Variants in HERC2 observed in about 807,000 individuals in gnomAD.
HERC2 encodes the protein E3 ubiquitin-protein ligase HERC2.
A neutral mutation model predicts 537.7 loss-of-function variants in HERC2; 102 were observed. That is an observed-to-expected ratio of 0.19 (90% CI 0.16 to 0.22). The LOEUF (loss-of-function observed/expected upper bound fraction) is 0.22. Ranked by LOEUF, HERC2 falls within the 10% of genes least tolerant of loss-of-function variation. The pLI, the probability that HERC2 is intolerant of heterozygous loss-of-function variation, is 1.00. For synonymous variants in HERC2, 2,224 were observed against 2,466.2 expected (o/e 0.90, Z 2.91); for missense variants, 4,236 against 6,198.2 (o/e 0.68, Z 10.63).
In HERC2 at chr15:28,177,219, A is replaced by T. The variant is rs749087466; in HGVS notation, c.9255-92T>A. The stretch of plus-strand genomic sequence containing the variant: ...CATCTATACTGATCCACATGTAGTC[A>T]ACACAGGATCCACAGATCAACTATC... On this transcript the variant is annotated intron_variant, in intron 60 of 92. Transcript: ENST00000261609. This position sits in a 1 kb window ranked among gnomAD's most constrained non-coding sequence, Gnocchi z 5.0. 111 of 1,336,208 alleles carry T rather than the reference A, an allele frequency of 8.3e-5. No individual in the cohort carries two copies. The highest frequency in any genetic ancestry group is 9.7e-5 in the Non-Finnish European group (94 of 965,228). The allele number at this position is 1,336,208 out of a possible 1,614,324, so 82.8% of individuals were successfully genotyped here.
In HERC2 at chr15:28,141,701, G is replaced by A. The variant is rs535784507; in HGVS notation, c.11816+30C>T. The stretch of plus-strand genomic sequence containing the variant: ...CACACAGCCTCTCACACTCACGATC[G>A]ACATTACTGCTTGTTTCTAATATAA... On this transcript the variant is annotated intron_variant, in intron 77 of 92. Transcript: ENST00000261609. 1.3e-5 allele frequency: 21 copies of A among 1,609,908 alleles called. No individual in the cohort carries two copies. The Admixed American group carries it at 1.8e-4, about 14-fold the overall frequency.
intron 78 of HERC2, among the ~76,000 whole-genome samples, chr15:28,135,987 C>T (rs1259873435): frequency 6.6e-6 from 1 of 151,976 alleles, no homozygotes; most frequent in African/African-American, 2.4e-5. Flanking sequence ...ACAATTAACA[C>T]CAAGAAAAAT....
intron 68 of HERC2, among the ~76,000 whole-genome samples, chr15:28,163,680 C>T (rs1194352717): frequency 6.6e-5 from 10 of 152,178 alleles, no homozygotes; most frequent in Non-Finnish European, 1.2e-4. Context: ...TTTGTATTCT[C>T]TAATTGTATA....
At chr15:28,296,694 A>G (rs962792921) in intron 3 of HERC2, among the ~76,000 whole-genome samples, 1 of 151,622 alleles carries the variant, frequency 6.6e-6, no homozygotes, top group Non-Finnish European at 1.5e-5. Flanking sequence ...ATACATAAAA[A>G]AAAAAAAAAA....
At chr15:28,144,545 G>A in intron 72 of HERC2, 128 bp downstream of exon 72, 5 of 1,294,158 alleles carry the variant, frequency 3.9e-6, no homozygotes, top group Non-Finnish European at 5.4e-6. Flanking sequence ...GCCTGTGAGA[G>A]CACTCACTCC....
At chr15:28,289,480 C>T (rs4932602) in intron 4 of HERC2, among the ~76,000 whole-genome samples, 5,939 of 151,562 alleles carry the variant, frequency 0.039, 243 homozygotes, top group African/African-American at 0.1. Context: ...AGATTTCAAT[C>T]CTCCTCAGAA....
chr15:28,169,684 T>G (rs1442697583), intron 65 of HERC2, 29 bp from the exon 66 acceptor site: 1 of 1,590,010 alleles, frequency 6.3e-7, no homozygotes, highest in Admixed American at 1.8e-5. Context: ...ATTTGCATTG[T>G]TTTTAAAATC....
chr15:28,299,451 T>A lies in HERC2; in HGVS notation c.138A>T (p.Val46=), dbSNP rs2076559863. The A allele has an allele frequency of 3.7e-6, 6 of 1,600,306 alleles. No homozygotes were observed. Among genetic ancestry groups the A allele is most frequent in the Non-Finnish European group, 5.1e-6 (6 of 1,167,572 alleles). Residue 46 remains valine (V), a synonymous_variant, in exon 3 of 93, where the codon GTA becomes GTT. Coordinates refer to ENST00000261609, the MANE Select transcript of HERC2 (RefSeq NM_004667.6). ...WNEMVKDGEI[V]YTGTESTQNG... is the part of the protein sequence containing the mutation. Reference sequence around the variant, plus strand: ...TCTGGGTTGATTCTGTTCCAGTGTATACAATTTCTCCATCTTTAACCATTT... The same window carrying A: ...TCTGGGTTGATTCTGTTCCAGTGTAAACAATTTCTCCATCTTTAACCATTT...
At position 28,321,883 on chromosome 15, in the gene HERC2, G is replaced by T. The variant is rs1220221299; in HGVS notation, c.-32+192C>A. Among the ~76,000 whole-genome samples the T allele has an allele frequency of 1.4e-5, 2 of 145,364 alleles. 1 individual carries two copies. Among genetic ancestry groups the T allele is most frequent in the African/African-American group, 5.6e-5 (2 of 35,894 alleles). The stretch of plus-strand genomic sequence containing the variant: ...CGTGAAACAAAAAATTACTCAAAAG[G>T]ATCGCCTGCAGAAAAACCCACAGCC... On this transcript the variant is annotated intron_variant, in intron 1 of 92. Coordinates refer to ENST00000261609, the MANE Select transcript of HERC2 (RefSeq NM_004667.6).
chr15:28,215,201 C>G (rs970910814), intron 39 of HERC2, among the ~76,000 whole-genome samples: 1 of 152,014 alleles, frequency 6.6e-6, no homozygotes, highest in Non-Finnish European at 1.5e-5. Flanking sequence ...GTTCTCATAA[C>G]GCAAGTAATC....
At chr15:28,207,126 C>A (rs1046635574) in intron 44 of HERC2, among the ~76,000 whole-genome samples, 3 of 145,232 alleles carry the variant, frequency 2.1e-5, no homozygotes, top group Admixed American at 2.0e-4. Flanking sequence ...CAGATTTCTG[C>A]ACTTGGTCTG....
chr15:28,166,397 T>G (rs533099327), intron 68 of HERC2, among the ~76,000 whole-genome samples: 1 of 152,352 alleles, frequency 6.6e-6, no homozygotes, highest in South Asian at 2.1e-4. Flanking sequence ...GGGCTGTTAA[T>G]GGTTTTTATT....
chr15:28,279,367 C>T (rs999915357), intron 5 of HERC2, among the ~76,000 whole-genome samples: 75 of 152,144 alleles, frequency 4.9e-4, no homozygotes, highest in African/African-American at 1.8e-3. Flanking sequence ...ACTAGTTGGG[C>T]ATTAAACATT....
intron 56 of HERC2, among the ~76,000 whole-genome samples, chr15:28,185,480 G>A (rs1484154551): frequency 9.9e-5 from 15 of 152,122 alleles, no homozygotes; most frequent in African/African-American, 3.6e-4. Flanking sequence ...AATTTATCTA[G>A]GAAAATACAA....
At chr15:28,210,638 A>G (rs1899095105) in intron 44 of HERC2, among the ~76,000 whole-genome samples, 2 of 151,776 alleles carry the variant, frequency 1.3e-5, no homozygotes, top group South Asian at 4.2e-4. Context: ...GCATTTGAAG[A>G]ACCAGCTTAG....
At chr15:28,189,953 T>C (rs946741958) in intron 55 of HERC2, among the ~76,000 whole-genome samples, 4 of 152,000 alleles carry the variant, frequency 2.6e-5, no homozygotes, top group African/African-American at 9.7e-5. Context: ...TCATTATAAT[T>C]AGTCTACACC....
At chr15:28,238,929 A>G (rs1334879474) in intron 23 of HERC2, among the ~76,000 whole-genome samples, 157 bp from the exon 24 acceptor site, 8 of 152,184 alleles carry the variant, frequency 5.3e-5, no homozygotes, top group African/African-American at 1.9e-4. Context: ...ACACATACAA[A>G]TTCTGTTAAA....
intron 83 of HERC2, among the ~76,000 whole-genome samples, chr15:28,127,122 T>C (rs200281947): frequency 1.3e-5 from 2 of 152,330 alleles, no homozygotes; most frequent in East Asian, 3.9e-4. Flanking sequence ...GTGTGACGCC[T>C]GCGTGGTCAA....
intron 67 of HERC2, 134 bp downstream of exon 67, chr15:28,168,273 C>A (rs1490853094): frequency 3.7e-6 from 3 of 800,130 alleles, no homozygotes; most frequent in Non-Finnish European, 6.0e-6. Context: ...AGAGAATATT[C>A]TTCTAAGTAA....
Sources: gnomAD v4.1 joint callset for allele counts (sites outside exome capture counted in the v4.1 genomes callset) on GRCh38, gnomAD v4.1.1 for gene constraint, Gnocchi (gnomAD v3.1) non-coding constraint, MANE v1.5 for transcripts, NCBI Gene and HGNC (gene_info 2026-07-23, HGNC 2026-07-21) for gene names.